The following PHF21B variants were observed in gnomAD, a reference collection of about 807,000 sequenced individuals.
PHF21B encodes the protein PHD finger protein 4.
In PHF21B, 22 loss-of-function variants were observed where a neutral mutation model predicts 62.2. That is an observed-to-expected ratio of 0.35 (90% CI 0.25 to 0.51). The LOEUF (loss-of-function observed/expected upper bound fraction) is 0.51. PHF21B is among the 20% of genes least tolerant of loss of function. The pLI is 0.97. For synonymous variants in PHF21B, 341 were observed against 314.7 expected, an observed-to-expected ratio of 1.08 and a Z score of -0.88; for missense variants, 701 against 707.9, an observed-to-expected ratio of 0.99 and a Z score of 0.11.
At chr22:44,995,990 G>C (rs1051147870) in intron 2 of PHF21B, among the ~76,000 whole-genome samples, 11 of 152,144 alleles carry the variant, frequency 7.2e-5, no homozygotes, top group African/African-American at 2.7e-4. Context: ...CGATCTGCAG[G>C]GGTGTCCCTT....
intron 2 of PHF21B, among the ~76,000 whole-genome samples, chr22:44,948,029 C>CCTCCT (rs1253859654): frequency 6.6e-6 from 1 of 152,138 alleles, no homozygotes; most frequent in Non-Finnish European, 1.5e-5. Flanking sequence ...CACTGCTGTC[C>CCTCCT]CGTTCGGACG....
At position 44,947,824 on chromosome 22, in the gene PHF21B, G is replaced by A. The variant is rs188076981; in HGVS notation, c.121-27334C>T. Among the ~76,000 whole-genome samples the A allele has an allele frequency of 7.4e-4, 112 of 152,244 alleles. 1 individual carries two copies. The highest frequency in any genetic ancestry group is 2.7e-3 in the African/African-American group (111 of 41,542). On this transcript the variant is annotated intron_variant, in intron 2 of 12. Coordinates refer to ENST00000313237, the MANE Select transcript of PHF21B (RefSeq NM_138415.5). ...GTTTGTCACTTCGGCTCTGCTTGGT[G>A]TGCTTCCTTTTCTTTTTTACTTATC...
intron 2 of PHF21B, among the ~76,000 whole-genome samples, chr22:44,997,328 G>A (rs912715117): frequency 6.6e-6 from 1 of 152,002 alleles, no homozygotes; most frequent in Admixed American, 6.6e-5. Flanking sequence ...GAATCACCTC[G>A]AGGGCTCTGG....
At chr22:44,941,109 G>T (rs1336376816) in intron 2 of PHF21B, among the ~76,000 whole-genome samples, 1 of 152,254 alleles carries the variant, frequency 6.6e-6, no homozygotes, top group South Asian at 2.1e-4. Context: ...AATGCTGCGC[G>T]TGCTCACAAT....
intron 10 of PHF21B, among the ~76,000 whole-genome samples, chr22:44,887,639 C>T (rs996056924): frequency 6.6e-6 from 1 of 151,058 alleles, no homozygotes; most frequent in Admixed American, 6.6e-5. Context: ...CCTATAACCC[C>T]AGCTACTTGA....
At chr22:44,906,891 C>G (rs1413788833) in intron 5 of PHF21B, among the ~76,000 whole-genome samples, 1 of 151,840 alleles carries the variant, frequency 6.6e-6, no homozygotes, top group Non-Finnish European at 1.5e-5. Flanking sequence ...ACTGCTACCT[C>G]ACATCCCTGA....
At chr22:44,934,796 G>C (rs1360522822) in intron 2 of PHF21B, among the ~76,000 whole-genome samples, 3 of 152,184 alleles carry the variant, frequency 2.0e-5, no homozygotes, top group Non-Finnish European at 2.9e-5. Context: ...TCTGCAAAGT[G>C]TCTGGGATGG....
intron 3 of PHF21B, 111 bp downstream of exon 3, chr22:44,920,287 G>T: frequency 1.4e-6 from 1 of 695,060 alleles, no homozygotes; most frequent in Non-Finnish European, 2.2e-6. Context: ...GAGAGGGCAC[G>T]AGTTCCGCCT....
chr22:44,973,491 G>C (rs1199480302), intron 2 of PHF21B, among the ~76,000 whole-genome samples: 1 of 152,212 alleles, frequency 6.6e-6, no homozygotes, highest in African/African-American at 2.4e-5. Context: ...CTGGAGCCAG[G>C]AACTGGGAGG....
At chr22:44,939,136 C>T (rs1006165623) in intron 2 of PHF21B, among the ~76,000 whole-genome samples, 2 of 152,232 alleles carry the variant, frequency 1.3e-5, no homozygotes, top group African/African-American at 4.8e-5. Flanking sequence ...GTAGAAAACT[C>T]AAGATCGGCT....
At chr22:44,976,460 C>T (rs935462702) in intron 2 of PHF21B, among the ~76,000 whole-genome samples, 2 of 152,200 alleles carry the variant, frequency 1.3e-5, no homozygotes, top group Non-Finnish European at 2.9e-5. Context: ...ACCAATCTTT[C>T]CCTATCCAAA....
At chr22:44,972,090 C>T (rs796857426) in intron 2 of PHF21B, among the ~76,000 whole-genome samples, 1 of 152,188 alleles carries the variant, frequency 6.6e-6, no homozygotes, top group Non-Finnish European at 1.5e-5. Context: ...TGCAGGCCCT[C>T]CCCTAATGAA....
Position 44,882,967 on chromosome 22 carries a change from G to A in PHF21B, c.*119C>T, listed in dbSNP as rs1441164919. On this transcript the variant is annotated 3_prime_UTR_variant, in exon 13 of 13. Transcript: ENST00000313237. ...CAGCTCTTCCTCCCTCCTCTCCTCT[G>A]TCTGGTTAATTTTTGTCTGAAATTC... The A allele has an allele frequency of 4.9e-6, 6 of 1,230,022 alleles. No individual in the cohort carries two copies. Among genetic ancestry groups the A allele is most frequent in the Non-Finnish European group, 6.7e-6 (6 of 890,734 alleles). The allele number at this position is 1,230,022 out of a possible 1,614,324, so 76.2% of individuals were successfully genotyped here.
intron 2 of PHF21B, among the ~76,000 whole-genome samples, chr22:44,945,026 C>T (rs1372559965): frequency 3.2e-5 from 4 of 123,518 alleles, no homozygotes; most frequent in Admixed American, 1.1e-4. Flanking sequence ...GCGCCTGCAC[C>T]TCAAAGGTGC....
intron 2 of PHF21B, among the ~76,000 whole-genome samples, chr22:44,936,942 G>A (rs576327925): frequency 1.4e-5 from 2 of 145,598 alleles, no homozygotes; most frequent in Admixed American, 7.0e-5. Flanking sequence ...GCGCAATTTC[G>A]GCTTACTGCA....
intron 2 of PHF21B, among the ~76,000 whole-genome samples, chr22:44,927,853 C>G (rs368008611): frequency 7.2e-5 from 11 of 152,168 alleles, no homozygotes; most frequent in African/African-American, 2.7e-4. Context: ...GATCAATGAG[C>G]TTGTGACTAC....
intron 5 of PHF21B, chr22:44,902,036 G>T: frequency 4.3e-6 from 1 of 233,276 alleles, no homozygotes; most frequent in South Asian, 8.1e-5. Flanking sequence ...CATCCTCACT[G>T]GACACCACAG....
At chr22:44,969,736 G>A (rs2072601192) in intron 2 of PHF21B, among the ~76,000 whole-genome samples, 1 of 152,172 alleles carries the variant, frequency 6.6e-6, no homozygotes, top group Non-Finnish European at 1.5e-5. Context: ...GAAAGCCTGG[G>A]GGCCCAGCTG....
intron 2 of PHF21B, among the ~76,000 whole-genome samples, chr22:44,943,642 T>C (rs1334054611): frequency 2.6e-5 from 4 of 152,030 alleles, no homozygotes; most frequent in South Asian, 2.1e-4. Flanking sequence ...CCCACCCCCT[T>C]TGTAAAGCAA....
Sources: gnomAD v4.1 joint callset for allele counts (sites outside exome capture counted in the v4.1 genomes callset) on GRCh38, gnomAD v4.1.1 for gene constraint, MANE v1.5 for transcripts, NCBI Gene and HGNC (gene_info 2026-07-23, HGNC 2026-07-21) for gene names.